CRIP2: variants seen among roughly 807,000 people sequenced by gnomAD.
CRIP2 encodes the protein cysteine rich protein 2.
In CRIP2, 31 loss-of-function variants were observed where a neutral mutation model predicts 31.3. That is an observed-to-expected ratio of 0.99 (90% CI 0.74 to 1.34). CRIP2 has a LOEUF of 1.34. Among genes scored for constraint, CRIP2 ranks in the 40% most tolerant of loss-of-function variants. CRIP2 has a pLI of 0.00. For missense variants in CRIP2, 389 were observed against 301.6 expected, an observed-to-expected ratio of 1.29 and a Z score of -2.15; for synonymous variants, 177 against 127.2, an observed-to-expected ratio of 1.39 and a Z score of -2.63.
At chr14:105,477,644 G>A (rs2083962412) in intron 1 of CRIP2, 1 of 913,954 alleles carries the variant, frequency 1.1e-6, no homozygotes, top group Non-Finnish European at 1.3e-6. Context: ...TGACAGGTGG[G>A]GGAGATGCAT....
At chr14:105,477,357 G>A (rs2083954761) in intron 1 of CRIP2, 1 of 985,370 alleles carries the variant, frequency 1.0e-6, no homozygotes, top group African/African-American at 1.7e-5. Flanking sequence ...TACGGCGGGG[G>A]GAGAGCTCAG....
At chr14:105,474,426 G>A (rs2083889906), upstream of CRIP2, 1 of 151,748 alleles carries the variant, frequency 6.6e-6, no homozygotes, top group African/African-American at 2.4e-5. The surrounding 1 kb of genome is among the most constrained non-coding windows in gnomAD (Gnocchi z 5.1). Context: ...CAGCCTGGGC[G>A]CCCAGGGCCG....
intron 1 of CRIP2, chr14:105,477,493 G>A (rs868972637): frequency 8.1e-6 from 8 of 984,780 alleles, no homozygotes; most frequent in Middle Eastern, 1.0e-3. Flanking sequence ...GCAGCGGGGT[G>A]CTGCCAGCCC....
At position 105,477,212 on chromosome 14, in the gene CRIP2, C is replaced by T. The variant is rs587672362; in HGVS notation, c.44-1054C>T. ...TCCCCACCTCTTCCTGCCTGGCTCC[C>T]TAGGGAGGCCCCTGCTTCCATCCAC... is the stretch of plus-strand genomic sequence containing the variant. On this transcript the variant is annotated intron_variant, in intron 1 of 7. Coordinates refer to ENST00000329146, the MANE Select transcript of CRIP2 (RefSeq NM_001312.4). 509 of 949,824 alleles carry T rather than the reference C, an allele frequency of 5.4e-4. 1 individual carries two copies. The highest frequency in any genetic ancestry group is 6.2e-4 in the Non-Finnish European group (494 of 797,294). The allele number at this position is 949,824 out of a possible 1,614,324, so 58.8% of individuals were successfully genotyped here. A position where few individuals can be genotyped will look rare whatever the true frequency, so the allele number is the denominator to read the frequency against.
At position 105,479,603 on chromosome 14, in the gene CRIP2, G is replaced by A. The variant is rs782184000; in HGVS notation, c.577G>A (p.Val193Met). The A allele has an allele frequency of 9.3e-6, 15 of 1,612,680 alleles. No individual in the cohort carries two copies. Among genetic ancestry groups the A allele is most frequent in the Admixed American group, 1.7e-5 (1 of 59,986 alleles). Residue 193 changes from valine to methionine, a missense_variant, in exon 8 of 8, where the codon GTG (valine) becomes ATG (methionine). Coordinates refer to ENST00000329146, the MANE Select transcript of CRIP2 (RefSeq NM_001312.4). ...CTCCACAGGAGTGAACACCGGTGCGGTGGGCAGCTACATCTATGACCGGGA... is the reference window on the plus strand; with the variant it reads ...CTCCACAGGAGTGAACACCGGTGCGATGGGCAGCTACATCTATGACCGGGA... Reference protein sequence around the residue: ...FGPKGVNTGAVGSYIYDRDPE... With the variant: ...FGPKGVNTGAMGSYIYDRDPE...
chr14:105,478,204 G>C lies in CRIP2; in HGVS notation c.44-62G>C. On this transcript the variant is annotated intron_variant, in intron 1 of 7. Transcript: ENST00000329146. The surrounding 1 kb of genome is among the most constrained non-coding windows in gnomAD (Gnocchi z 4.9). The stretch of plus-strand genomic sequence containing the variant: ...CGCGTGGGGGTGGTGGCTGCCAGGT[G>C]GGGGCGGAGGGGGTGCGGGGCGCGC... The C allele has an allele frequency of 7.6e-7, 1 of 1,319,220 alleles. No individual in the cohort carries two copies. Among genetic ancestry groups the C allele is most frequent in the South Asian group, 1.5e-5 (1 of 66,620 alleles). The allele number at this position is 1,319,220 out of a possible 1,614,324, so 81.7% of individuals were successfully genotyped here.
chr14:105,473,549 C>T (rs1337649944), upstream of CRIP2: 1 of 1,520,972 alleles, frequency 6.6e-7, no homozygotes, highest in African/African-American at 1.4e-5. Flanking sequence ...CTCCAAGACA[C>T]AGGGGGAAGG....
upstream of CRIP2, chr14:105,474,604 G>T (rs1462843893): frequency 2.6e-5 from 5 of 194,656 alleles, no homozygotes; most frequent in Non-Finnish European, 4.6e-5. The surrounding 1 kb of genome is among the most constrained non-coding windows in gnomAD (Gnocchi z 5.1). Flanking sequence ...GCGGGCCCCT[G>T]TAGACGCCAC....
intron 1 of CRIP2, among the ~76,000 whole-genome samples, chr14:105,477,844 G>A (rs1437587014): frequency 8.3e-6 from 1 of 120,232 alleles, no homozygotes; most frequent in Non-Finnish European, 1.9e-5. Context: ...GTGTGAGGCG[G>A]GTGTCCGGGA....
chr14:105,478,934 TG>T lies in CRIP2; in HGVS notation c.338-42del. ...ACGCGCGGGCTGGGGCTGGGGGTTG[TG>T]GGCACCCCCGGCCCCGCCCCGCCCT... On this transcript the variant is annotated intron_variant, in intron 4 of 7. Coordinates refer to ENST00000329146, the MANE Select transcript of CRIP2 (RefSeq NM_001312.4). This position sits in a 1 kb window ranked among gnomAD's most constrained non-coding sequence, Gnocchi z 4.9. The T allele has an allele frequency of 6.5e-7, 1 of 1,527,550 alleles. No homozygotes were observed. Among genetic ancestry groups the T allele is most frequent in the Non-Finnish European group, 8.8e-7 (1 of 1,141,974 alleles). The allele number at this position is 1,527,550 out of a possible 1,614,324, so 94.6% of individuals were successfully genotyped here. A position where few individuals can be genotyped will look rare whatever the true frequency, so the allele number is the denominator to read the frequency against.
chr14:105,474,964 C>G lies in CRIP2; in HGVS notation c.43+59C>G, dbSNP rs1555435441. Reference sequence around the variant, plus strand: ...CATCCCGCCGCCCTTCGCGGCCAGTCCCGCGCCGCAGAGCCGCGGCGTAAC... The same window carrying G: ...CATCCCGCCGCCCTTCGCGGCCAGTGCCGCGCCGCAGAGCCGCGGCGTAAC... On this transcript the variant is annotated intron_variant, in intron 1 of 7. Coordinates refer to ENST00000329146, the MANE Select transcript of CRIP2 (RefSeq NM_001312.4). The surrounding 1 kb of genome is among the most constrained non-coding windows in gnomAD (Gnocchi z 5.1). The G allele has an allele frequency of 1.4e-6, 2 of 1,432,400 alleles. No individual in the cohort carries two copies. Among genetic ancestry groups the G allele is most frequent in the Non-Finnish European group, 1.8e-6 (2 of 1,087,770 alleles). 88.7% of individuals were successfully genotyped at this position (1,432,400 alleles called of 1,614,324 possible).
intron 5 of CRIP2, 29 bp downstream of exon 5, chr14:105,479,076 C>G (rs1338453386): frequency 7.1e-5 from 112 of 1,570,160 alleles, no homozygotes; most frequent in Non-Finnish European, 9.2e-5. Flanking sequence ...CCCGGACCCC[C>G]GCCCCCGCCC....
At position 105,480,117 on chromosome 14, in the gene CRIP2, C is replaced by T. The variant is rs1345233682; in HGVS notation, c.*464C>T. The T allele has an allele frequency of 2.5e-5, 5 of 201,214 alleles. No individual in the cohort carries two copies. Among genetic ancestry groups the T allele is most frequent in the East Asian group, 1.4e-4 (1 of 7,258 alleles). The allele number at this position is 201,214 out of a possible 1,614,324, so 12.5% of individuals were successfully genotyped here. A position where few individuals can be genotyped will look rare whatever the true frequency, so the allele number is the denominator to read the frequency against. On this transcript the variant is annotated 3_prime_UTR_variant, in exon 8 of 8. Coordinates refer to ENST00000329146, the MANE Select transcript of CRIP2 (RefSeq NM_001312.4). ...GCGCTCGCCACCCTCACGTGGCTCA[C>T]CTGCTGTTGAGCCTTGTGCTGTCAA... is the stretch of plus-strand genomic sequence containing the variant.
Position 105,478,032 on chromosome 14 carries a change from G to A in CRIP2, c.44-234G>A, listed in dbSNP as rs2083986015. On this transcript the variant is annotated intron_variant, in intron 1 of 7. Coordinates refer to ENST00000329146, the MANE Select transcript of CRIP2 (RefSeq NM_001312.4). This position sits in a 1 kb window ranked among gnomAD's most constrained non-coding sequence, Gnocchi z 4.9. Reference sequence around the variant, plus strand: ...GCCCCTTCTCAAAGGCGGCTCTAGCGGGGTTCCAGGGCTGGGGGCGCTGAG... The same window carrying A: ...GCCCCTTCTCAAAGGCGGCTCTAGCAGGGTTCCAGGGCTGGGGGCGCTGAG... 6.6e-6 allele frequency among the ~76,000 whole-genome samples: 1 copy of A among 151,780 alleles called. No homozygotes were observed. Among genetic ancestry groups the A allele is most frequent in the Non-Finnish European group, 1.5e-5 (1 of 67,898 alleles).
At chr14:105,477,442 C>G in intron 1 of CRIP2, 9 of 985,086 alleles carry the variant, frequency 9.1e-6, no homozygotes, top group Non-Finnish European at 1.1e-5. Context: ...CTGGCCTTCC[C>G]ATGAGGGAGC....
intron 1 of CRIP2, chr14:105,477,716 T>TGGGGGGAAGCGG (rs2083967077): frequency 1.3e-6 from 1 of 791,626 alleles, no homozygotes; most frequent in African/African-American, 2.2e-5. Flanking sequence ...AGCGGGTGTG[T>TGGGGGGAAGCGG]GTGGGGGGAA....
At position 105,476,480 on chromosome 14, in the gene CRIP2, A is replaced by G. The variant is rs1555435826; in HGVS notation, c.43+1575A>G. 3 of 985,408 alleles carry G rather than the reference A, an allele frequency of 3.0e-6. No homozygotes were observed. The African/African-American group carries it at 5.2e-5, about 17-fold the overall frequency. 61.0% of individuals were successfully genotyped at this position (985,408 alleles called of 1,614,324 possible). A position where few individuals can be genotyped will look rare whatever the true frequency, so the allele number is the denominator to read the frequency against. Reference sequence around the variant, plus strand: ...AGGCCACCCCAGAGCCCATGCAGCCAGGGTGGGCAGCTGGTTTTCTTCTGA... The same window carrying G: ...AGGCCACCCCAGAGCCCATGCAGCCGGGGTGGGCAGCTGGTTTTCTTCTGA... On this transcript the variant is annotated intron_variant, in intron 1 of 7. Transcript: ENST00000329146.
At position 105,479,123 on chromosome 14, in the gene CRIP2, A is replaced by C. The variant is rs2084027433; in HGVS notation, c.407-2A>C. 1 of 1,610,628 alleles carries C rather than the reference A, an allele frequency of 6.2e-7. No homozygotes were observed. The highest frequency in any genetic ancestry group is 8.5e-7 in the Non-Finnish European group (1 of 1,179,084). ...CTCGGCCTCACTCCTCCCCCTTTCC[A>C]GCTGAGAAGGTGACGTCTCTGGGCA... On this transcript the variant is annotated splice_acceptor_variant, in intron 5 of 7. Transcript: ENST00000329146. LOFTEE classifies it high-confidence loss of function.
chr14:105,474,945 G>A lies in CRIP2; in HGVS notation c.43+40G>A. 2.0e-6 allele frequency: 3 copies of A among 1,473,918 alleles called. No homozygotes were observed. The highest frequency in any genetic ancestry group is 2.7e-6 in the Non-Finnish European group (3 of 1,109,346). The allele number at this position is 1,473,918 out of a possible 1,614,324, so 91.3% of individuals were successfully genotyped here. ...GCTCCCGGCCCGCTCGGTGCATCCC[G>A]CCGCCCTTCGCGGCCAGTCCCGCGC... On this transcript the variant is annotated intron_variant, in intron 1 of 7. Transcript: ENST00000329146. This position sits in a 1 kb window ranked among gnomAD's most constrained non-coding sequence, Gnocchi z 5.1.
Sources: gnomAD v4.1 joint callset for allele counts (sites outside exome capture counted in the v4.1 genomes callset) on GRCh38, gnomAD v4.1.1 for gene constraint, Gnocchi (gnomAD v3.1) non-coding constraint, MANE v1.5 for transcripts, NCBI Gene and HGNC (gene_info 2026-07-23, HGNC 2026-07-21) for gene names.